Variants in PDE7A observed in about 807,000 individuals in gnomAD.
PDE7A encodes the protein phosphodiesterase 7A.
Under a neutral mutation model 64.3 loss-of-function variants are expected in PDE7A, and 39 were observed. That is an observed-to-expected ratio of 0.61 (90% confidence interval 0.47 to 0.79). The LOEUF (loss-of-function observed/expected upper bound fraction) is 0.79, where lower values mean the gene tolerates loss of function less well. Among genes scored for constraint, PDE7A ranks in the 30% least tolerant of loss-of-function variants. The pLI is 0.00. For missense variants in PDE7A, 470 were observed against 582.8 expected, an observed-to-expected ratio of 0.81 and a Z score of 1.99; for synonymous variants, 203 against 206.8, an observed-to-expected ratio of 0.98 and a Z score of 0.16.
chr8:65,832,501 T>A (rs1295150831), intron 1 of PDE7A, among the ~76,000 whole-genome samples: 1 of 152,204 alleles, frequency 6.6e-6, no homozygotes, highest in African/African-American at 2.4e-5. Flanking sequence ...ATTGTGTACA[T>A]GTAACCTTCA....
At chr8:65,798,206 A>ATATATATATATATATTTTTT in intron 1 of PDE7A, among the ~76,000 whole-genome samples, 7 of 73,806 alleles carry the variant, frequency 9.5e-5, no homozygotes, top group African/African-American at 2.3e-4. Context: ...ATATATATAT[A>ATATATATATATATATTTTTT]TTTTTTTTTT....
chr8:65,819,761 T>C (rs1156698435), intron 1 of PDE7A, among the ~76,000 whole-genome samples: 1 of 152,212 alleles, frequency 6.6e-6, no homozygotes, highest in African/African-American at 2.4e-5. Context: ...TCCCAAAACA[T>C]CTATTCTCAT....
At chr8:65,788,253 T>C (rs766645816) in intron 1 of PDE7A, among the ~76,000 whole-genome samples, 2 of 152,178 alleles carry the variant, frequency 1.3e-5, no homozygotes, top group African/African-American at 2.4e-5. Context: ...ATTTTAAATA[T>C]GTTTTACTTT....
At chr8:65,827,401 C>A (rs1368885801) in intron 1 of PDE7A, among the ~76,000 whole-genome samples, 1 of 152,128 alleles carries the variant, frequency 6.6e-6, no homozygotes, top group Non-Finnish European at 1.5e-5. Flanking sequence ...ACGTATTAGG[C>A]ATATAGAGAC....
At position 65,782,847 on chromosome 8, in the gene PDE7A, GA is replaced by G. The variant is rs760862772; in HGVS notation, c.139-5del. The G allele has an allele frequency of 2.5e-4, 369 of 1,505,444 alleles. No homozygotes were observed. Among genetic ancestry groups the G allele is most frequent in the Middle Eastern group, 3.5e-4 (2 of 5,740 alleles). 93.3% of individuals were successfully genotyped at this position (1,505,444 alleles called of 1,614,324 possible). On this transcript the variant is annotated splice_polypyrimidine_tract_variant and splice_region_variant and intron_variant, in intron 1 of 12. Transcript: ENST00000401827. ...CATAGGAAATAGCTCCACGCCTCTA[GA>G]AAAAAAAATACACATTATAATACAT...
chr8:65,768,906 A>G (rs567783427), intron 3 of PDE7A, among the ~76,000 whole-genome samples: 1 of 152,314 alleles, frequency 6.6e-6, no homozygotes, highest in African/African-American at 2.4e-5. Flanking sequence ...TTAGTGACAG[A>G]TGCTATCTGA....
rs960106656 is a variant in PDE7A at position 65,841,684 on chromosome 8, G to A, written c.-176C>T. The A allele has an allele frequency of 6.1e-6, 1 of 164,746 alleles. No homozygotes were observed. Among genetic ancestry groups the A allele is most frequent in the African/African-American group, 2.4e-5 (1 of 41,418 alleles). The allele number at this position is 164,746 out of a possible 1,614,324, so 10.2% of individuals were successfully genotyped here. ...CTCCCCAACCCCAGCCCTCCGCTCG[G>A]GCCGCCGGCGGGAAGGCTCCGCGGC... is the stretch of plus-strand genomic sequence containing the variant. On this transcript the variant is annotated 5_prime_UTR_variant, in exon 1 of 13. Transcript: ENST00000401827.
intron 3 of PDE7A, among the ~76,000 whole-genome samples, chr8:65,763,096 C>T (rs980531381): frequency 2.6e-5 from 4 of 151,248 alleles, no homozygotes; most frequent in Non-Finnish European, 4.4e-5. Context: ...ATTAGCCACT[C>T]GTAATCTAAA....
chr8:65,742,278 G>A (rs373836589), intron 5 of PDE7A, among the ~76,000 whole-genome samples: 11 of 152,316 alleles, frequency 7.2e-5, no homozygotes, highest in African/African-American at 2.4e-4. Flanking sequence ...TGGTTGGAAG[G>A]AGTAGGCCAC....
At chr8:65,816,738 T>C (rs1810413080) in intron 1 of PDE7A, among the ~76,000 whole-genome samples, 1 of 152,232 alleles carries the variant, frequency 6.6e-6, no homozygotes, top group Non-Finnish European at 1.5e-5. Context: ...TTCCCTCTTG[T>C]GTAGTGAGTT....
chr8:65,837,399 A>G (rs775958773), intron 1 of PDE7A, among the ~76,000 whole-genome samples: 7 of 152,204 alleles, frequency 4.6e-5, no homozygotes, highest in Non-Finnish European at 1.0e-4. Context: ...AGTGTTTTGG[A>G]TATCAATCAG....
At chr8:65,822,998 T>C (rs1398340601) in intron 1 of PDE7A, among the ~76,000 whole-genome samples, 3 of 152,122 alleles carry the variant, frequency 2.0e-5, no homozygotes, top group African/African-American at 4.8e-5. Context: ...TAAATAAAAC[T>C]AGGATCAAAA....
At chr8:65,719,543 A>G (rs1585818021) in intron 12 of PDE7A, 48 bp from the exon 13 acceptor site, 6 of 1,224,028 alleles carry the variant, frequency 4.9e-6, no homozygotes, top group Non-Finnish European at 6.0e-6. Flanking sequence ...CTGAAACTCT[A>G]TCTTTAAAAC....
intron 3 of PDE7A, among the ~76,000 whole-genome samples, chr8:65,750,474 CTGTGTGTGTGTG>C (rs371620919): frequency 7.0e-6 from 1 of 142,626 alleles, no homozygotes; most frequent in East Asian, 2.0e-4. Flanking sequence ...ATTAGAATCA[CTGTGTGTGTGTG>C]TGTGTGTGTG....
intron 1 of PDE7A, among the ~76,000 whole-genome samples, chr8:65,840,474 C>T (rs1004276074): frequency 2.6e-5 from 4 of 151,684 alleles, no homozygotes; most frequent in Admixed American, 2.6e-4. Context: ...AAATATACTC[C>T]CATAAAAGAT....
At chr8:65,803,376 T>C (rs115809122) in intron 1 of PDE7A, among the ~76,000 whole-genome samples, 1 of 152,344 alleles carries the variant, frequency 6.6e-6, no homozygotes, top group African/African-American at 2.4e-5. Flanking sequence ...AAGTAAAAGT[T>C]TGACCATAGT....
chr8:65,737,851 A>T (rs985643639), intron 6 of PDE7A, among the ~76,000 whole-genome samples: 4 of 152,212 alleles, frequency 2.6e-5, no homozygotes, highest in Non-Finnish European at 1.5e-5. Flanking sequence ...CACCAGCAAC[A>T]TCTTAACTTA....
intron 1 of PDE7A, among the ~76,000 whole-genome samples, chr8:65,790,220 GC>G (rs1366509221): frequency 6.6e-6 from 1 of 152,244 alleles, no homozygotes; most frequent in Non-Finnish European, 1.5e-5. Flanking sequence ...TGACGCTGCA[GC>G]CCTGGGGAGC....
At chr8:65,836,056 G>T (rs1810942783) in intron 1 of PDE7A, among the ~76,000 whole-genome samples, 1 of 152,174 alleles carries the variant, frequency 6.6e-6, no homozygotes, top group Non-Finnish European at 1.5e-5. Context: ...AAACAGAAAT[G>T]AAGCCAAGGT....
Sources: gnomAD v4.1 joint callset for allele counts (sites outside exome capture counted in the v4.1 genomes callset) on GRCh38, gnomAD v4.1.1 for gene constraint, MANE v1.5 for transcripts, NCBI Gene and HGNC (gene_info 2026-07-23, HGNC 2026-07-21) for gene names.